The following NR1H3 variants were observed in gnomAD, a reference collection of about 807,000 sequenced individuals.
The protein encoded by NR1H3 is oxysterols receptor LXR-alpha.
NR1H3 carries 19 observed loss-of-function variants against 48.1 expected under a neutral mutation model. The observed-to-expected ratio is 0.40, with a 90% CI of 0.28 to 0.58. The LOEUF (loss-of-function observed/expected upper bound fraction) is 0.58. NR1H3 is among the 20% of genes least tolerant of loss of function. The probability of loss-of-function intolerance (pLI) is 0.50; values close to 1 mark genes in which losing one functional copy is unlikely to be tolerated. For missense variants in NR1H3, 486 were observed against 595.9 expected, an observed-to-expected ratio of 0.82 and a Z score of 1.92; for synonymous variants, 232 against 227.3, an observed-to-expected ratio of 1.02 and a Z score of -0.19.
At chr11:47,262,082 AT>A in intron 7 of NR1H3, 64 bp downstream of exon 7, 1 of 1,300,760 alleles carries the variant, frequency 7.7e-7, no homozygotes, top group South Asian at 1.4e-5. Context: ...TTTATTTTTT[AT>A]TTTTAAAAAT....
chr11:47,262,324 A>G (rs1001973575), intron 7 of NR1H3, among the ~76,000 whole-genome samples: 1 of 147,250 alleles, frequency 6.8e-6, no homozygotes, highest in African/African-American at 2.5e-5. Flanking sequence ...GGTTGTAGTG[A>G]GCCAAGATCG....
At chr11:47,266,713 C>T (rs968372122) in intron 7 of NR1H3, among the ~76,000 whole-genome samples, 3 of 151,068 alleles carry the variant, frequency 2.0e-5, no homozygotes, top group Non-Finnish European at 4.4e-5. Context: ...GTGATCTCGG[C>T]TTACTGCAAC....
intron 1 of NR1H3, among the ~76,000 whole-genome samples, chr11:47,251,805 T>C (rs1306268353): frequency 1.3e-5 from 2 of 152,192 alleles, no homozygotes; most frequent in Non-Finnish European, 2.9e-5. Context: ...CTTTTGCTTT[T>C]CTTCCCACTT....
chr11:47,261,230 C>T lies in NR1H3; in HGVS notation c.500-11C>T, dbSNP rs374808855. On this transcript the variant is annotated splice_polypyrimidine_tract_variant and intron_variant, in intron 4 of 9. Transcript: ENST00000441012. ...ATCTGCTCCCTTCCTCATATTTGGC[C>T]CTGTCCTTAGGTGTCCTGTCAGAAG... The T allele has an allele frequency of 2.5e-5, 41 of 1,611,430 alleles. No homozygotes were observed. Among genetic ancestry groups the T allele is most frequent in the Non-Finnish European group, 3.5e-5 (41 of 1,178,860 alleles).
chr11:47,261,344 A>T lies in NR1H3; in HGVS notation c.603A>T (p.Gln201His), dbSNP rs367960126. 4 of 1,613,328 alleles carry T rather than the reference A, an allele frequency of 2.5e-6. No homozygotes were observed. The highest frequency in any genetic ancestry group is 3.4e-6 in the Non-Finnish European group (4 of 1,179,786). ...CCCCCAGGGCTTCCTCACCCCCCCA[A>T]ATCCTGCCCCAGCTCAGCCCGGAAC... Reference protein sequence around the residue: ...SLPPRASSPPQILPQLSPEQL... With the variant: ...SLPPRASSPPHILPQLSPEQL... The change falls in exon 5 of 10, where the codon CAA becomes CAT. Residue 201 changes from glutamine (Q) to histidine (H), a missense_variant. Gln to His is a conservative substitution (Grantham distance 24). Coordinates refer to ENST00000441012, the MANE Select transcript of NR1H3 (RefSeq NM_005693.4).
intron 7 of NR1H3, 53 bp from the exon 8 acceptor site, chr11:47,267,859 AG>A: frequency 7.0e-6 from 9 of 1,280,984 alleles, no homozygotes; most frequent in Non-Finnish European, 9.1e-6. Context: ...TGAGGAGAGA[AG>A]AAAGTTCCTG....
At position 47,268,244 on chromosome 11, in the gene NR1H3, C is replaced by G. The variant is rs564471283; in HGVS notation, c.1103-17C>G. On this transcript the variant is annotated splice_polypyrimidine_tract_variant and intron_variant, in intron 8 of 9. Transcript: ENST00000441012. ...CCCTGGCCAGACCTGCTCCTCAACT[C>G]TCTTGGTGACCTATAGACCGGCCCA... 3.1e-6 allele frequency: 5 copies of G among 1,612,840 alleles called. No homozygotes were observed. In the South Asian group the frequency reaches 4.4e-5, roughly 14 times the overall value.
intron 1 of NR1H3, among the ~76,000 whole-genome samples, chr11:47,251,034 C>T (rs1228739348): frequency 2.0e-5 from 3 of 152,038 alleles, no homozygotes; most frequent in South Asian, 2.1e-4. Context: ...TGGCAGGTGC[C>T]GGTAGTCCCA....
At chr11:47,252,598 G>T (rs1449468121) in intron 1 of NR1H3, among the ~76,000 whole-genome samples, 1 of 147,096 alleles carries the variant, frequency 6.8e-6, no homozygotes, top group African/African-American at 2.5e-5. Flanking sequence ...TTTTGTGACA[G>T]AGTCTCCCAC....
chr11:47,255,643 T>TTC (rs1454836813), upstream of NR1H3, among the ~76,000 whole-genome samples: 333 of 120,294 alleles, frequency 2.8e-3, 1 homozygote, highest in African/African-American at 4.0e-3. Context: ...CTTTCTTTCT[T>TTC]TCTTTCTCTT....
chr11:47,266,403 C>T lies in NR1H3; in HGVS notation c.989-1510C>T, dbSNP rs1956472833. On this transcript the variant is annotated intron_variant, in intron 7 of 9. Coordinates refer to ENST00000441012, the MANE Select transcript of NR1H3 (RefSeq NM_005693.4). Reference sequence around the variant, plus strand: ...CAGGCTGGAGTGCAAGTAGAACAATCTCGGCTCACTGCAACCTCCACCTCC... The same window carrying T: ...CAGGCTGGAGTGCAAGTAGAACAATTTCGGCTCACTGCAACCTCCACCTCC... Among the ~76,000 whole-genome samples the T allele has an allele frequency of 2.6e-5, 4 of 151,496 alleles. No individual in the cohort carries two copies. The South Asian group carries it at 8.3e-4, about 32-fold the overall frequency.
chr11:47,261,158 T>G, intron 4 of NR1H3, 83 bp from the exon 5 acceptor site: 18 of 645,680 alleles, frequency 2.8e-5, no homozygotes, highest in East Asian at 4.8e-5. Context: ...CTTTGCCCCA[T>G]CCTTCCCTCC....
At chr11:47,260,901 A>G (rs1353015978) in intron 4 of NR1H3, among the ~76,000 whole-genome samples, 2 of 152,098 alleles carry the variant, frequency 1.3e-5, no homozygotes, top group Non-Finnish European at 2.9e-5. Flanking sequence ...CCTGGCCAAC[A>G]TAGTGAAACC....
chr11:47,261,775 C>T, intron 6 of NR1H3, 49 bp downstream of exon 6: 1 of 1,612,844 alleles, frequency 6.2e-7, no homozygotes, highest in Non-Finnish European at 8.5e-7. Flanking sequence ...GTGGGATTAT[C>T]TGTGGGAGGG....
chr11:47,268,409 C>A, intron 9 of NR1H3, 54 bp downstream of exon 9: 1 of 1,593,318 alleles, frequency 6.3e-7, no homozygotes, highest in South Asian at 1.1e-5. Context: ...GGCCCATTCC[C>A]TGACATACCT....
At chr11:47,257,877 G>C, upstream of NR1H3, 5 of 985,174 alleles carry the variant, frequency 5.1e-6, no homozygotes, top group Non-Finnish European at 6.0e-6. Context: ...AAGCTGCCCT[G>C]TGGGCGGGGG....
intron 1 of NR1H3, among the ~76,000 whole-genome samples, chr11:47,251,510 G>C (rs936237388): frequency 6.6e-6 from 1 of 152,070 alleles, no homozygotes; most frequent in Non-Finnish European, 1.5e-5. Context: ...TACCGGGGAG[G>C]CTGAGACAGG....
upstream of NR1H3, among the ~76,000 whole-genome samples, chr11:47,256,692 CTA>C (rs1234523662): frequency 6.8e-6 from 1 of 147,058 alleles, no homozygotes; most frequent in Non-Finnish European, 1.5e-5. Flanking sequence ...AAAAAATTGA[CTA>C]GGGCTAATAA....
chr11:47,252,246 TTTGTTGTTGTTGTTG>T (rs61003245), intron 1 of NR1H3, among the ~76,000 whole-genome samples: 1 of 151,568 alleles, frequency 6.6e-6, no homozygotes, highest in Non-Finnish European at 1.5e-5. Flanking sequence ...TTTGTTTTGT[TTTGTTGTTGTTGTTG>T]TTGTTGTTGT....
Sources: allele counts gnomAD v4.1 joint callset (sites outside exome capture counted in the v4.1 genomes callset), GRCh38; gene constraint gnomAD v4.1.1; transcripts MANE v1.5; gene names NCBI Gene and HGNC (gene_info 2026-07-23, HGNC 2026-07-21).